GRIP2: variants seen among roughly 807,000 people sequenced by gnomAD.
The protein encoded by GRIP2 is glutamate receptor interacting protein 2.
GRIP2 carries 58 observed loss-of-function variants against 108.3 expected under a neutral mutation model. The observed-to-expected ratio is 0.54, with a 90% CI of 0.43 to 0.67. GRIP2 has a LOEUF of 0.67. Among genes scored for constraint, GRIP2 ranks in the 30% least tolerant of loss-of-function variants. The pLI is 0.00. For synonymous variants in GRIP2, 586 were observed against 598.2 expected (o/e 0.98, Z 0.30); for missense variants, 1,278 against 1,430.6 (o/e 0.89, Z 1.72).
upstream of GRIP2, among the ~76,000 whole-genome samples, chr3:14,543,419 A>G (rs907032720): frequency 2.6e-5 from 4 of 152,154 alleles, no homozygotes; most frequent in African/African-American, 7.2e-5. Flanking sequence ...GGGGTGAGAC[A>G]GCTTTGCAAG....
upstream of GRIP2, among the ~76,000 whole-genome samples, chr3:14,541,556 C>T (rs1235171906): frequency 6.6e-6 from 1 of 152,254 alleles, no homozygotes; most frequent in Non-Finnish European, 1.5e-5. Context: ...CACACTGGCT[C>T]CTGCCAGCCC....
the GRIP2 span, among the ~76,000 whole-genome samples, chr3:14,565,227 G>C: frequency 1.3e-5 from 2 of 152,190 alleles, no homozygotes. Flanking sequence ...GTCTACCCTT[G>C]GGGAGACAGT....
intron 21 of GRIP2, among the ~76,000 whole-genome samples, chr3:14,502,200 A>G (rs1212862867): frequency 6.6e-6 from 1 of 152,166 alleles, no homozygotes; most frequent in Non-Finnish European, 1.5e-5. Flanking sequence ...AAATTTGAAA[A>G]CAAGCAAATT....
At chr3:14,539,995 C>T (rs565670687) in intron 1 of GRIP2, among the ~76,000 whole-genome samples, 2 of 152,266 alleles carry the variant, frequency 1.3e-5, no homozygotes, top group South Asian at 2.1e-4. Context: ...CCCTACAAGG[C>T]TGAGCACTGC....
chr3:14,577,384 AG>A, the GRIP2 span, among the ~76,000 whole-genome samples: 1 of 152,234 alleles, frequency 6.6e-6, no homozygotes, highest in Non-Finnish European at 1.5e-5. Context: ...GCTGATAGAG[AG>A]GCAGAGACAG....
At chr3:14,534,337 T>C (rs754352848) in intron 1 of GRIP2, among the ~76,000 whole-genome samples, 14 of 152,062 alleles carry the variant, frequency 9.2e-5, no homozygotes, top group Non-Finnish European at 2.1e-4. Context: ...ACTTTATTTA[T>C]AGAAAACCCC....
intron 1 of GRIP2, among the ~76,000 whole-genome samples, chr3:14,533,496 C>T (rs939377308): frequency 1.3e-5 from 2 of 152,154 alleles, no homozygotes; most frequent in Non-Finnish European, 2.9e-5. Context: ...GCAGTGGAAT[C>T]CCAGAGTGGA....
intron 21 of GRIP2, among the ~76,000 whole-genome samples, chr3:14,498,833 G>T (rs79497945): frequency 0.032 from 4,884 of 152,294 alleles, 145 homozygotes; most frequent in South Asian, 0.11. Context: ...AAGCAAGAAA[G>T]AAAAATTCAG....
chr3:14,557,128 C>T (rs1298704768), upstream of GRIP2, among the ~76,000 whole-genome samples: 4 of 152,234 alleles, frequency 2.6e-5, no homozygotes, highest in Non-Finnish European at 5.9e-5. Context: ...AGAACTCCTG[C>T]CAATCCCCAT....
chr3:14,592,430 A>G, the GRIP2 span, among the ~76,000 whole-genome samples: 1 of 152,210 alleles, frequency 6.6e-6, no homozygotes, highest in Non-Finnish European at 1.5e-5. Flanking sequence ...AGTCGGGGAA[A>G]GAAAGAGGGT....
upstream of GRIP2, among the ~76,000 whole-genome samples, chr3:14,544,089 G>C (rs187856894): frequency 6.6e-6 from 1 of 152,326 alleles, no homozygotes; most frequent in East Asian, 1.9e-4. Flanking sequence ...ACATGCCCAG[G>C]TTCGAATCCC....
chr3:14,577,470 G>A, the GRIP2 span, among the ~76,000 whole-genome samples: 1 of 152,186 alleles, frequency 6.6e-6, no homozygotes, highest in South Asian at 2.1e-4. Flanking sequence ...GGAGTCAAAT[G>A]ACAGTGTCCA....
chr3:14,506,439 C>T (rs138527986), intron 19 of GRIP2, among the ~76,000 whole-genome samples: 1 of 152,286 alleles, frequency 6.6e-6, no homozygotes, highest in East Asian at 1.9e-4. Context: ...CTATTTTCAA[C>T]TGGATGGAAT....
chr3:14,585,518 C>T, the GRIP2 span, among the ~76,000 whole-genome samples: 3 of 152,212 alleles, frequency 2.0e-5, no homozygotes, highest in Admixed American at 2.0e-4. Flanking sequence ...GGGACCGAGG[C>T]AGCTGGAGGG....
chr3:14,507,679 C>A lies in GRIP2; in HGVS notation c.2100G>T (p.Gly700=), dbSNP rs756884098. 6.2e-7 allele frequency: 1 copy of A among 1,613,952 alleles called. No individual in the cohort carries two copies. The highest frequency in any genetic ancestry group is 8.5e-7 in the Non-Finnish European group (1 of 1,179,874). Residue 700 remains glycine, a synonymous_variant, in exon 18 of 24, where the codon GGG becomes GGT. Transcript: ENST00000621039. The surrounding 1 kb of genome is among the most constrained non-coding windows in gnomAD (Gnocchi z 4.6). ...CGTTGTTGATGGCCAGAATGCGGTC[C>A]CCCACGTGGATGGCACCAGTCCTGA... ...LAERTGAIHV[G]DRILAINNVS...
upstream of GRIP2, among the ~76,000 whole-genome samples, chr3:14,559,672 A>G (rs1156822916): frequency 6.8e-6 from 1 of 146,762 alleles, no homozygotes; most frequent in African/African-American, 2.5e-5. Flanking sequence ...GTGGCTCCAT[A>G]GATCCCAGAA....
intron 1 of GRIP2, among the ~76,000 whole-genome samples, chr3:14,548,869 T>G (rs896927661): frequency 6.6e-6 from 1 of 152,198 alleles, no homozygotes; most frequent in African/African-American, 2.4e-5. Flanking sequence ...CCTTGAGCCC[T>G]TTGCACAGAC....
chr3:14,521,798 G>A lies in GRIP2; in HGVS notation c.567-11C>T, dbSNP rs1215038949. On this transcript the variant is annotated splice_polypyrimidine_tract_variant and intron_variant, in intron 6 of 23. Coordinates refer to ENST00000621039, the MANE Select transcript of GRIP2 (RefSeq NM_001080423.4). The surrounding 1 kb of genome is among the most constrained non-coding windows in gnomAD (Gnocchi z 5.1). ...TTCAGGGAGCCCTCCCTGTAGGGAA[G>A]GGCCAGTCACCAGCCTGGCCCGGCA... 6.3e-7 allele frequency: 1 copy of A among 1,580,178 alleles called. No homozygotes were observed. Among genetic ancestry groups the A allele is most frequent in the Admixed American group, 1.8e-5 (1 of 56,126 alleles).
chr3:14,534,111 GT>G (rs1429416005), intron 1 of GRIP2, among the ~76,000 whole-genome samples: 2 of 152,214 alleles, frequency 1.3e-5, no homozygotes, highest in African/African-American at 4.8e-5. Context: ...ATGCTGCAGT[GT>G]TTGCTGATGC....
Sources: gnomAD v4.1 joint callset for allele counts (sites outside exome capture counted in the v4.1 genomes callset) on GRCh38, gnomAD v4.1.1 for gene constraint, Gnocchi (gnomAD v3.1) non-coding constraint, MANE v1.5 for transcripts, NCBI Gene and HGNC (gene_info 2026-07-23, HGNC 2026-07-21) for gene names.